Variants in BIRC2 observed in about 807,000 individuals in gnomAD.
The protein encoded by BIRC2 is baculoviral IAP repeat-containing protein 2.
BIRC2 carries 18 observed loss-of-function variants against 60.9 expected under a neutral mutation model. The observed-to-expected ratio is 0.30, with a 90% CI of 0.20 to 0.44. The LOEUF is 0.44. Among genes scored for constraint, BIRC2 ranks in the 20% least tolerant of loss-of-function variants. The probability of loss-of-function intolerance (pLI) is 1.00; values close to 1 mark genes in which losing one functional copy is unlikely to be tolerated. For synonymous variants in BIRC2, 282 were observed against 247.7 expected (o/e 1.14, Z -1.30); for missense variants, 701 against 728.5 (o/e 0.96, Z 0.43).
chr11:102,357,143 C>T (rs1051938345), intron 3 of BIRC2, among the ~76,000 whole-genome samples: 6 of 152,164 alleles, frequency 3.9e-5, no homozygotes, highest in African/African-American at 1.2e-4. Context: ...CATCTGTGCT[C>T]ATCAGGGCTA....
intron 3 of BIRC2, among the ~76,000 whole-genome samples, chr11:102,352,270 C>T (rs966635286): frequency 2.6e-5 from 4 of 151,162 alleles, no homozygotes; most frequent in East Asian, 2.0e-4. Flanking sequence ...CCCGCTGCCA[C>T]GCCCGGCTAA....
intron 6 of BIRC2, among the ~76,000 whole-genome samples, chr11:102,375,574 A>G (rs1042087568): frequency 6.6e-5 from 10 of 152,136 alleles, no homozygotes; most frequent in African/African-American, 2.2e-4. Flanking sequence ...AGGTCAGGAA[A>G]TTGAGACCAT....
chr11:102,358,660 CATAT>C (rs764472602), intron 3 of BIRC2, among the ~76,000 whole-genome samples: 1 of 152,168 alleles, frequency 6.6e-6, no homozygotes, highest in African/African-American at 2.4e-5. Context: ...ATGTTGGGTA[CATAT>C]ATATATTTAC....
intron 6 of BIRC2, among the ~76,000 whole-genome samples, chr11:102,374,794 GA>G (rs1406566455): frequency 6.6e-6 from 1 of 152,228 alleles, no homozygotes; most frequent in Non-Finnish European, 1.5e-5. Flanking sequence ...TTTGATCTCA[GA>G]CTGCTGTGCT....
chr11:102,356,551 G>T (rs954801124), intron 3 of BIRC2, among the ~76,000 whole-genome samples: 2 of 151,724 alleles, frequency 1.3e-5, no homozygotes, highest in Non-Finnish European at 2.9e-5. Context: ...GCCATTTATG[G>T]TCCTTATGTT....
At position 102,349,325 on chromosome 11, in the gene BIRC2, G is replaced by T. The variant is rs922482427; in HGVS notation, c.-530G>T. 6.6e-6 allele frequency: 1 copy of T among 152,366 alleles called. No individual in the cohort carries two copies. Among genetic ancestry groups the T allele is most frequent in the African/African-American group, 2.4e-5 (1 of 41,446 alleles). 9.4% of individuals were successfully genotyped at this position (152,366 alleles called of 1,614,324 possible). A position where few individuals can be genotyped will look rare whatever the true frequency, so the allele number is the denominator to read the frequency against. ...CCATATGAAGGTTTTAATTACTTTT[G>T]TTTATTGGAATAAAATGAGATTTTT... On this transcript the variant is annotated 5_prime_UTR_variant, in exon 2 of 9. Coordinates refer to ENST00000227758, the MANE Select transcript of BIRC2 (RefSeq NM_001166.5).
chr11:102,360,325 T>C (rs1951472022), intron 3 of BIRC2, among the ~76,000 whole-genome samples: 1 of 152,040 alleles, frequency 6.6e-6, no homozygotes, highest in Non-Finnish European at 1.5e-5. Flanking sequence ...TCAGGTAGGC[T>C]TTCTCCACTA....
At chr11:102,376,748 A>G (rs1271855711) in intron 6 of BIRC2, among the ~76,000 whole-genome samples, 1 of 152,238 alleles carries the variant, frequency 6.6e-6, no homozygotes, top group Non-Finnish European at 1.5e-5. Flanking sequence ...ATAAAATAAT[A>G]ATGGTAGTTA....
intron 3 of BIRC2, among the ~76,000 whole-genome samples, chr11:102,352,713 G>T (rs1354948137): frequency 6.6e-6 from 1 of 152,188 alleles, no homozygotes; most frequent in Non-Finnish European, 1.5e-5. Flanking sequence ...TTACAGGCAT[G>T]AGCCACTGCC....
intron 6 of BIRC2, among the ~76,000 whole-genome samples, chr11:102,375,964 T>A (rs565038405): frequency 4.9e-4 from 75 of 152,090 alleles, no homozygotes; most frequent in African/African-American, 1.7e-3. Context: ...ACGTCAATTT[T>A]TTTTTTTTTT....
chr11:102,366,591 C>G (rs1369562285), intron 5 of BIRC2, among the ~76,000 whole-genome samples: 2 of 151,864 alleles, frequency 1.3e-5, no homozygotes, highest in South Asian at 2.1e-4. Flanking sequence ...AGGATGGTCT[C>G]GATCTCCTCA....
rs547454503 is a variant in BIRC2 at position 102,350,687 on chromosome 11, A to G, written c.833A>G (p.Tyr278Cys). 54 of 1,613,548 alleles carry G rather than the reference A, an allele frequency of 3.3e-5. 1 individual carries two copies. The South Asian group carries it at 3.7e-4, about 11-fold the overall frequency. The change falls in exon 2 of 9, where the codon TAC becomes TGC. Residue 278 changes from tyrosine to cysteine, a missense_variant. By Grantham distance (194) the Tyr-to-Cys change is radical. This residue lies in a region of BIRC2 where 375 missense variants were observed against 365.9 expected (regional missense o/e 1.02). Transcript: ENST00000227758. ...THAARMRTFM[Y>C]WPSSVPVQPE... The stretch of plus-strand genomic sequence containing the variant: ...GCAGCTCGAATGAGAACATTTATGT[A>G]CTGGCCATCTAGTGTTCCAGTTCAG...
At chr11:102,370,597 T>A (rs1951619167) in intron 6 of BIRC2, among the ~76,000 whole-genome samples, 3 of 133,446 alleles carry the variant, frequency 2.2e-5, no homozygotes, top group South Asian at 2.6e-4. Flanking sequence ...AGTCAGGTAG[T>A]GTGATGCCTC....
chr11:102,369,409 G>A (rs1565337460), intron 6 of BIRC2, among the ~76,000 whole-genome samples: 1 of 150,234 alleles, frequency 6.7e-6, no homozygotes, highest in Non-Finnish European at 1.5e-5. Context: ...GTGAGAATAT[G>A]CGGTGTTTGG....
chr11:102,365,020 C>T (rs1951537776), intron 5 of BIRC2, among the ~76,000 whole-genome samples: 1 of 152,168 alleles, frequency 6.6e-6, no homozygotes, highest in Non-Finnish European at 1.5e-5. Context: ...ACTCTCTTCC[C>T]ACCTTACTGT....
chr11:102,375,153 C>G (rs771961781), intron 6 of BIRC2, among the ~76,000 whole-genome samples: 41 of 152,302 alleles, frequency 2.7e-4, no homozygotes, highest in Middle Eastern at 6.8e-3. Context: ...GGGAGCTGTA[C>G]ACCGGAGCTG....
chr11:102,363,773 T>A, intron 5 of BIRC2, 57 bp downstream of exon 5: 1 of 1,434,376 alleles, frequency 7.0e-7, no homozygotes, highest in Non-Finnish European at 9.7e-7. Flanking sequence ...ATTTTAGGAA[T>A]AGGCTGGGTG....
chr11:102,364,461 T>C (rs1951530209), intron 5 of BIRC2, among the ~76,000 whole-genome samples: 1 of 152,058 alleles, frequency 6.6e-6, no homozygotes, highest in South Asian at 2.1e-4. Context: ...TTGGACTAGA[T>C]GTTAGGTATT....
chr11:102,356,078 G>A (rs1237353954), intron 3 of BIRC2, among the ~76,000 whole-genome samples: 1 of 151,926 alleles, frequency 6.6e-6, no homozygotes, highest in African/African-American at 2.4e-5. Context: ...TGATTTGGAT[G>A]CCTTTTTCTT....
Sources: gnomAD v4.1 joint callset for allele counts (sites outside exome capture counted in the v4.1 genomes callset) on GRCh38, gnomAD v4.1.1 for gene constraint, gnomAD v4.1.1 regional missense constraint, MANE v1.5 for transcripts, NCBI Gene and HGNC (gene_info 2026-07-23, HGNC 2026-07-21) for gene names.